The following STXBP5L variants were observed in gnomAD, a reference collection of about 807,000 sequenced individuals.
STXBP5L encodes the protein syntaxin-binding protein 5-like.
A neutral mutation model predicts 144.5 loss-of-function variants in STXBP5L; 65 were observed. The ratio of observed to expected loss-of-function variants is 0.45; its 90% CI spans 0.37 to 0.55. The LOEUF (loss-of-function observed/expected upper bound fraction) is 0.55. Ranked by LOEUF, STXBP5L falls within the 20% of genes least tolerant of loss-of-function variation. The pLI is 0.00. For missense variants in STXBP5L, 1,298 were observed against 1,405.5 expected (o/e 0.92, Z 1.22); for synonymous variants, 505 against 469.6 (o/e 1.08, Z -0.97).
chr3:121,057,920 C>T (rs567214039), intron 5 of STXBP5L, among the ~76,000 whole-genome samples: 2 of 151,998 alleles, frequency 1.3e-5, no homozygotes, highest in South Asian at 4.2e-4. Flanking sequence ...TGTTTTCTGT[C>T]TCCCAAGTAG....
Position 120,955,053 on chromosome 3 carries a change from G to A in STXBP5L, c.287+16G>A. On this transcript the variant is annotated intron_variant, in intron 3 of 26. Transcript: ENST00000471454. ...CTATACGAATGTATCCTTAAATTTT[G>A]GTTCATTATCTGCCACAGTAATGCC... is the stretch of plus-strand genomic sequence containing the variant. 4 of 1,593,800 alleles carry A rather than the reference G, an allele frequency of 2.5e-6. No individual in the cohort carries two copies. Among genetic ancestry groups the A allele is most frequent in the Non-Finnish European group, 3.4e-6 (4 of 1,163,972 alleles).
intron 20 of STXBP5L, among the ~76,000 whole-genome samples, chr3:121,329,174 T>C (rs893213467): frequency 2.0e-5 from 3 of 152,174 alleles, no homozygotes; most frequent in African/African-American, 7.2e-5. Context: ...GTACTTCTTA[T>C]GTACCTTCTT....
rs1222703001 is a variant in STXBP5L, at chr3:121,157,494, A to G, written c.754-10A>G. ...TCCCCCTCTACTTGTTTTAATTGTT[A>G]TTTTATTAGGCTATTCATTCAATTG... On this transcript the variant is annotated splice_polypyrimidine_tract_variant and intron_variant, in intron 8 of 26. Coordinates refer to ENST00000471454, the MANE Select transcript of STXBP5L (RefSeq NM_001308330.2). 12 of 1,561,556 alleles carry G rather than the reference A, an allele frequency of 7.7e-6. No individual in the cohort carries two copies. The highest frequency in any genetic ancestry group is 1.4e-5 in the African/African-American group (1 of 71,108).
chr3:121,282,146 T>C, intron 19 of STXBP5L: 1 of 691,218 alleles, frequency 1.4e-6, no homozygotes, highest in Middle Eastern at 2.5e-4. Context: ...CTAATCTTGC[T>C]GCAATTTCTT....
intron 16 of STXBP5L, among the ~76,000 whole-genome samples, 170 bp downstream of exon 16, chr3:121,255,282 A>G (rs899647136): frequency 4.6e-5 from 7 of 152,120 alleles, no homozygotes; most frequent in Non-Finnish European, 7.4e-5. Context: ...ATATTAATAA[A>G]TGATTTGGCC....
At chr3:121,070,252 C>T (rs764463444) in intron 5 of STXBP5L, among the ~76,000 whole-genome samples, 7 of 152,144 alleles carry the variant, frequency 4.6e-5, no homozygotes, top group Admixed American at 6.5e-5. Context: ...GGCAGCATTA[C>T]GACATTTCTT....
chr3:121,087,773 G>C (rs993646883), intron 5 of STXBP5L, among the ~76,000 whole-genome samples: 1 of 151,444 alleles, frequency 6.6e-6, no homozygotes, highest in Admixed American at 6.6e-5. Context: ...TGGTTTAATT[G>C]AACACTTTTT....
chr3:121,407,492 A>T lies in STXBP5L; in HGVS notation c.2837A>T (p.Tyr946Phe), dbSNP rs537017427. The T allele has an allele frequency of 1.2e-6, 2 of 1,613,376 alleles. No homozygotes were observed. Among genetic ancestry groups the T allele is most frequent in the African/African-American group, 1.3e-5 (1 of 74,996 alleles). Reference protein sequence around the residue: ...VFSLPSQTCLYVHNITETSFI... With the variant: ...VFSLPSQTCLFVHNITETSFI... The stretch of plus-strand genomic sequence containing the variant: ...TCACTGCCTTCTCAGACTTGCCTTT[A>T]TGTTCATAACATCACGGAGACATCT... The change falls in exon 23 of 27, where the codon TAT becomes TTT. Residue 946 changes from tyrosine (Y) to phenylalanine (F), a missense_variant. By Grantham distance (22) the Tyr-to-Phe change is conservative. Transcript: ENST00000471454.
intron 5 of STXBP5L, among the ~76,000 whole-genome samples, chr3:121,097,558 T>G (rs1163308686): frequency 6.6e-6 from 1 of 152,060 alleles, no homozygotes; most frequent in East Asian, 1.9e-4. Context: ...CTTCCCTTGG[T>G]TAGGGGAGAA....
intron 18 of STXBP5L, among the ~76,000 whole-genome samples, chr3:121,267,623 A>T (rs1012653685): frequency 6.6e-6 from 1 of 152,216 alleles, no homozygotes; most frequent in African/African-American, 2.4e-5. Context: ...GTGACCAGGC[A>T]ACCTACACAC....
In STXBP5L at chr3:121,017,593, A is replaced by G. The variant is rs541512853; in HGVS notation, c.288-24107A>G. ...TAACAAGTGATTTCAGCAAAGTTGC[A>G]GGATATGAGGTTAATATATGTAAGT... On this transcript the variant is annotated intron_variant, in intron 3 of 26. Coordinates refer to ENST00000471454, the MANE Select transcript of STXBP5L (RefSeq NM_001308330.2). Among the ~76,000 whole-genome samples, 25 of 152,376 alleles carry G rather than the reference A, an allele frequency of 1.6e-4. 1 individual carries two copies. Among genetic ancestry groups the G allele is most frequent in the Middle Eastern group, 3.4e-3 (1 of 294 alleles).
At chr3:121,313,313 T>A (rs1577430122) in intron 19 of STXBP5L, among the ~76,000 whole-genome samples, 1 of 134,002 alleles carries the variant, frequency 7.5e-6, no homozygotes, top group South Asian at 2.5e-4. Context: ...GCCCCTCACC[T>A]CCTGGACGGG....
At chr3:120,963,940 C>G (rs528415410) in intron 3 of STXBP5L, among the ~76,000 whole-genome samples, 6 of 152,172 alleles carry the variant, frequency 3.9e-5, no homozygotes, top group African/African-American at 1.4e-4. Context: ...ATTATTGCCT[C>G]AATTTCAGAT....
At chr3:121,324,483 C>T (rs1458763959) in intron 20 of STXBP5L, 2 of 683,722 alleles carry the variant, frequency 2.9e-6, no homozygotes, top group Non-Finnish European at 5.3e-6. Flanking sequence ...TTTATATTCC[C>T]TTCCTTTAGG....
chr3:121,418,787 G>T (rs199622403), intron 26 of STXBP5L, among the ~76,000 whole-genome samples: 1 of 27,188 alleles, frequency 3.7e-5, no homozygotes, highest in African/African-American at 7.4e-5. Context: ...GATAATTAAA[G>T]AAATTATCCA....
chr3:121,041,808 ATC>A, intron 4 of STXBP5L, 27 bp downstream of exon 4: 3 of 1,447,806 alleles, frequency 2.1e-6, no homozygotes, highest in Non-Finnish European at 2.9e-6. Flanking sequence ...GACTACTTAA[ATC>A]ACACACTCCC....
At chr3:121,252,947 G>C (rs529715824) in intron 15 of STXBP5L, among the ~76,000 whole-genome samples, 25 of 152,266 alleles carry the variant, frequency 1.6e-4, no homozygotes, top group Admixed American at 1.6e-3. Flanking sequence ...GTAGCTTGCT[G>C]CTTCAAAGCT....
At chr3:121,329,568 G>A (rs998491782) in intron 20 of STXBP5L, among the ~76,000 whole-genome samples, 5 of 152,174 alleles carry the variant, frequency 3.3e-5, no homozygotes, top group South Asian at 2.1e-4. Context: ...AGAATGTCAA[G>A]AATGTAGTAG....
intron 5 of STXBP5L, among the ~76,000 whole-genome samples, chr3:121,104,524 A>T (rs1291761857): frequency 2.6e-5 from 4 of 152,214 alleles, no homozygotes; most frequent in Non-Finnish European, 1.5e-5. Context: ...TTAACAAAAC[A>T]GCATTGTACT....
Sources: gnomAD v4.1 joint callset for allele counts (sites outside exome capture counted in the v4.1 genomes callset) on GRCh38, gnomAD v4.1.1 for gene constraint, MANE v1.5 for transcripts, NCBI Gene and HGNC (gene_info 2026-07-23, HGNC 2026-07-21) for gene names.